PTPRG: variants seen among roughly 807,000 people sequenced by gnomAD.
PTPRG encodes protein tyrosine phosphatase receptor type G, also known as receptor-type tyrosine-protein phosphatase gamma.
A neutral mutation model predicts 165.3 loss-of-function variants in PTPRG; 102 were observed. That is an observed-to-expected ratio of 0.62 (90% CI 0.53 to 0.73). The LOEUF (loss-of-function observed/expected upper bound fraction) is 0.73. PTPRG is among the 30% of genes least tolerant of loss of function. PTPRG has a pLI of 0.00. For synonymous variants in PTPRG, 675 were observed against 669.5 expected, an observed-to-expected ratio of 1.01 and a Z score of -0.13; for missense variants, 1,866 against 1,861.4, an observed-to-expected ratio of 1.00 and a Z score of -0.05.
At position 61,970,315 on chromosome 3, in the gene PTPRG, T is replaced by A. The variant is rs1311432500; in HGVS notation, c.191-19310T>A. 2.6e-5 allele frequency among the ~76,000 whole-genome samples: 4 copies of A among 152,172 alleles called. No homozygotes were observed. The East Asian group carries it at 7.7e-4, about 29-fold the overall frequency. ...TTAGTGTCAGGATAAAGACCATACT[T>A]AAGGAATTTTCCTTTCTTCTTTGTT... On this transcript the variant is annotated intron_variant, in intron 2 of 29. Coordinates refer to ENST00000474889, the MANE Select transcript of PTPRG (RefSeq NM_002841.4).
intron 1 of PTPRG, among the ~76,000 whole-genome samples, chr3:61,568,239 G>A (rs1699967887): frequency 1.3e-5 from 2 of 152,174 alleles, no homozygotes; most frequent in Admixed American, 1.3e-4. Flanking sequence ...TTTGCCTGTT[G>A]CAAATTTCTA....
intron 5 of PTPRG, among the ~76,000 whole-genome samples, chr3:62,128,564 G>A (rs1262610830): frequency 6.6e-6 from 1 of 151,498 alleles, no homozygotes; most frequent in African/African-American, 2.4e-5. Flanking sequence ...GTCCTTTATT[G>A]GATGTGGCAT....
intron 2 of PTPRG, among the ~76,000 whole-genome samples, chr3:61,817,766 C>G (rs1285093431): frequency 2.6e-5 from 4 of 152,166 alleles, no homozygotes; most frequent in Non-Finnish European, 5.9e-5. Context: ...GAAGAGTAGG[C>G]ATGCTTCCAT....
chr3:62,116,482 C>T (rs766704317), intron 5 of PTPRG, among the ~76,000 whole-genome samples: 2 of 152,096 alleles, frequency 1.3e-5, no homozygotes, highest in African/African-American at 4.8e-5. Context: ...TAATGGTATT[C>T]TCTACAGTAA....
At position 61,639,506 on chromosome 3, in the gene PTPRG, G is replaced by C. The variant is rs573865042; in HGVS notation, c.85+77134G>C. ...ATCTGTACATTGCTTTGGGCAATAT[G>C]GTTGTTTTAACGATATTGATTCTTC... On this transcript the variant is annotated intron_variant, in intron 1 of 29. Transcript: ENST00000474889. Among the ~76,000 whole-genome samples, 124 of 152,280 alleles carry C rather than the reference G, an allele frequency of 8.1e-4. 1 individual carries two copies. The highest frequency in any genetic ancestry group is 1.5e-3 in the Non-Finnish European group (103 of 68,026).
intron 7 of PTPRG, among the ~76,000 whole-genome samples, chr3:62,166,813 C>A (rs1410097322): frequency 6.6e-6 from 1 of 152,024 alleles, no homozygotes; most frequent in Non-Finnish European, 1.5e-5. Flanking sequence ...CTCACCCTCC[C>A]AAGAAGCTGC....
In PTPRG at chr3:61,880,097, A is replaced by G. The variant is rs574474713; in HGVS notation, c.191-109528A>G. On this transcript the variant is annotated intron_variant, in intron 2 of 29. Coordinates refer to ENST00000474889, the MANE Select transcript of PTPRG (RefSeq NM_002841.4). The stretch of plus-strand genomic sequence containing the variant: ...ACTAGTTTTTGATTCCAGTAATACA[A>G]TGTCACATCTGGCAGGGATTTTTAA... 3.3e-5 allele frequency among the ~76,000 whole-genome samples: 5 copies of G among 152,332 alleles called. No individual in the cohort carries two copies. The East Asian group carries it at 5.8e-4, about 18-fold the overall frequency.
At position 62,210,496 on chromosome 3, in the gene PTPRG, G is replaced by A. The variant is rs1700333695; in HGVS notation, c.2155+6546G>A. ...TGGGAATGTAAAATGTGCAGCCCCT[G>A]TGGAAAATAGTATGGTAGTTCCTTA... On this transcript the variant is annotated intron_variant, in intron 12 of 29. Transcript: ENST00000474889. The surrounding 1 kb of genome is among the most constrained non-coding windows in gnomAD (Gnocchi z 4.1). Among the ~76,000 whole-genome samples, 1 of 152,188 alleles carries A rather than the reference G, an allele frequency of 6.6e-6. No homozygotes were observed. Among genetic ancestry groups the A allele is most frequent in the Admixed American group, 6.5e-5 (1 of 15,284 alleles).
At chr3:61,715,842 G>A (rs1559571129) in intron 1 of PTPRG, among the ~76,000 whole-genome samples, 1 of 151,240 alleles carries the variant, frequency 6.6e-6, no homozygotes, top group South Asian at 2.1e-4. Context: ...GTACATACTA[G>A]TTTACCACCA....
chr3:61,736,722 G>A (rs1322519638), intron 1 of PTPRG, among the ~76,000 whole-genome samples: 1 of 152,082 alleles, frequency 6.6e-6, no homozygotes, highest in African/African-American at 2.4e-5. Flanking sequence ...CTCACCCTGG[G>A]GATCGGAGTG....
At chr3:62,211,428 A>G (rs983136984) in intron 12 of PTPRG, among the ~76,000 whole-genome samples, 2 of 152,260 alleles carry the variant, frequency 1.3e-5, no homozygotes, top group Non-Finnish European at 2.9e-5. Flanking sequence ...GTTGCGCATC[A>G]GTTGCACAAC....
intron 1 of PTPRG, among the ~76,000 whole-genome samples, chr3:61,679,433 G>A (rs1272904660): frequency 6.6e-6 from 1 of 152,134 alleles, no homozygotes; most frequent in Non-Finnish European, 1.5e-5. Context: ...GTCACGGAAT[G>A]ACCCTGGTCA....
At chr3:62,139,974 T>C (rs1287086509) in intron 6 of PTPRG, among the ~76,000 whole-genome samples, 3 of 152,232 alleles carry the variant, frequency 2.0e-5, no homozygotes, top group Admixed American at 1.3e-4. Flanking sequence ...ACATCATTCA[T>C]CTTTCCGTAT....
intron 4 of PTPRG, among the ~76,000 whole-genome samples, chr3:62,012,314 G>C (rs1230178969): frequency 6.6e-6 from 1 of 152,186 alleles, no homozygotes; most frequent in African/African-American, 2.4e-5. Context: ...TATTAGGTAA[G>C]TAATTCTGCT....
chr3:61,951,897 A>T (rs1359859102), intron 2 of PTPRG, among the ~76,000 whole-genome samples: 1 of 152,150 alleles, frequency 6.6e-6, no homozygotes, highest in African/African-American at 2.4e-5. Context: ...AGGCGGGCAG[A>T]TCACGAGGTC....
At chr3:62,249,347 C>A (rs1701358472) in intron 15 of PTPRG, among the ~76,000 whole-genome samples, 2 of 152,166 alleles carry the variant, frequency 1.3e-5, no homozygotes, top group South Asian at 4.2e-4. Flanking sequence ...TGAGGTCTAT[C>A]CACTAGAGGT....
chr3:62,040,040 C>T (rs923786743), intron 4 of PTPRG, among the ~76,000 whole-genome samples: 2 of 152,120 alleles, frequency 1.3e-5, no homozygotes, highest in African/African-American at 2.4e-5. Context: ...GTTACTTTTC[C>T]AGCCGACAAC....
At chr3:62,119,613 A>T (rs60837559) in intron 5 of PTPRG, among the ~76,000 whole-genome samples, 1,546 of 149,866 alleles carry the variant, frequency 0.01, 30 homozygotes, top group African/African-American at 0.034. Context: ...TTTTTTTTTT[A>T]ATTTTTTTAT....
rs75927337 is a variant in PTPRG, at chr3:62,111,729, G to A, written c.616-20873G>A. On this transcript the variant is annotated intron_variant, in intron 5 of 29. Coordinates refer to ENST00000474889, the MANE Select transcript of PTPRG (RefSeq NM_002841.4). ...CTCCCAAAGTGCTGGGATTATAGGC[G>A]TGAGCCACCACCGGGCCCATTTTCT... Among the ~76,000 whole-genome samples the A allele has an allele frequency of 1.7e-3, 257 of 152,260 alleles. 3 individuals carry two copies. Among genetic ancestry groups the A allele is most frequent in the South Asian group, 0.011 (55 of 4,816 alleles).
Sources: allele counts gnomAD v4.1 joint callset (sites outside exome capture counted in the v4.1 genomes callset), GRCh38; gene constraint gnomAD v4.1.1; non-coding constraint Gnocchi (gnomAD v3.1); transcripts MANE v1.5; gene names NCBI Gene and HGNC (gene_info 2026-07-23, HGNC 2026-07-21).